The following TENM3 variants were observed in gnomAD, a reference collection of about 807,000 sequenced individuals.
The protein encoded by TENM3 is teneurin transmembrane protein 3.
TENM3 carries 63 observed loss-of-function variants against 255.1 expected under a neutral mutation model. The observed-to-expected ratio is 0.25, with a 90% CI of 0.20 to 0.30. The LOEUF (loss-of-function observed/expected upper bound fraction) is 0.30, where lower values mean the gene tolerates loss of function less well. Ranked by LOEUF, TENM3 falls within the 10% of genes least tolerant of loss-of-function variation. The pLI, the probability that TENM3 is intolerant of heterozygous loss-of-function variation, is 1.00. For missense variants in TENM3, 2,929 were observed against 3,461.1 expected (o/e 0.85, Z 3.86); for synonymous variants, 1,306 against 1,322.3 (o/e 0.99, Z 0.27).
the TENM3 span, among the ~76,000 whole-genome samples, chr4:181,668,286 C>A: frequency 4.1e-4 from 63 of 152,322 alleles, no homozygotes; most frequent in African/African-American, 1.4e-3. Context: ...GGCTTACTTC[C>A]CACTAATTCT....
chr4:182,298,853 A>G (rs949402716), intron 1 of TENM3, among the ~76,000 whole-genome samples: 6 of 151,600 alleles, frequency 4.0e-5, no homozygotes, highest in African/African-American at 1.4e-4. Flanking sequence ...CCCACCTGTA[A>G]TCCCGGCTAC....
chr4:181,781,918 C>T, the TENM3 span, among the ~76,000 whole-genome samples: 1 of 152,218 alleles, frequency 6.6e-6, no homozygotes, highest in East Asian at 1.9e-4. Context: ...TGCTGGATTA[C>T]ATTTACTGAT....
chr4:181,605,979 T>C, the TENM3 span, among the ~76,000 whole-genome samples: 1 of 152,194 alleles, frequency 6.6e-6, no homozygotes, highest in African/African-American at 2.4e-5. Flanking sequence ...TCAAATGACC[T>C]GAGGGTGCTG....
At position 182,636,374 on chromosome 4, in the gene TENM3, C is replaced by T. The variant is rs558941571; in HGVS notation, c.988+7485C>T. ...CCAGTATAGAAAGTAAGCTCCTCCT[C>T]TCCCCACAAACATAATGTATTTTAC... On this transcript the variant is annotated intron_variant, in intron 5 of 27. Transcript: ENST00000511685. Among the ~76,000 whole-genome samples the T allele has an allele frequency of 3.9e-5, 6 of 152,280 alleles. No individual in the cohort carries two copies. The East Asian group carries it at 1.2e-3, about 29-fold the overall frequency.
the TENM3 span, among the ~76,000 whole-genome samples, chr4:181,602,149 A>T: frequency 6.6e-6 from 1 of 152,306 alleles, no homozygotes; most frequent in Non-Finnish European, 1.5e-5. Flanking sequence ...AAACTAAACA[A>T]TATCTTTAAA....
At chr4:182,621,844 C>T (rs1343534571) in intron 4 of TENM3, among the ~76,000 whole-genome samples, 1 of 129,680 alleles carries the variant, frequency 7.7e-6, no homozygotes, top group Non-Finnish European at 1.6e-5. Flanking sequence ...TGTGGTGGTG[C>T]ACATGCTGTA....
At chr4:182,711,187 C>CT (rs1758722869) in intron 12 of TENM3, among the ~76,000 whole-genome samples, 1 of 152,068 alleles carries the variant, frequency 6.6e-6, no homozygotes, top group African/African-American at 2.4e-5. Context: ...TATTTATTAA[C>CT]TTTTAAAGTT....
chr4:182,231,442 A>C (rs1336882450), intron 1 of TENM3, among the ~76,000 whole-genome samples: 1 of 152,166 alleles, frequency 6.6e-6, no homozygotes, highest in Non-Finnish European at 1.5e-5. Context: ...TGTTATTATA[A>C]ATATGGGCCA....
At chr4:181,906,188 ATC>A in the TENM3 span, 2 of 244,556 alleles carry the variant, frequency 8.2e-6, no homozygotes, top group African/African-American at 4.7e-5. Context: ...GAAGTTCATC[ATC>A]TGTTTTCCTC....
intron 7 of TENM3, among the ~76,000 whole-genome samples, chr4:182,676,465 T>TG (rs77091221): frequency 0.054 from 8,169 of 152,292 alleles, 336 homozygotes; most frequent in East Asian, 0.18. Context: ...ATGAAAGAGT[T>TG]GGATCAGATG....
chr4:182,668,265 A>G (rs982950866), intron 6 of TENM3, among the ~76,000 whole-genome samples: 19 of 152,132 alleles, frequency 1.2e-4, no homozygotes, highest in Non-Finnish European at 1.3e-4. Context: ...CTCCAAGACA[A>G]TAAGTCATAG....
chr4:181,920,910 A>G, the TENM3 span, among the ~76,000 whole-genome samples: 21 of 152,294 alleles, frequency 1.4e-4, no homozygotes, highest in Middle Eastern at 0.01. Flanking sequence ...TGATTTTTGT[A>G]TAAGGTGTAA....
chr4:182,522,655 C>T (rs894095085), intron 3 of TENM3, among the ~76,000 whole-genome samples: 1 of 152,124 alleles, frequency 6.6e-6, no homozygotes, highest in Non-Finnish European at 1.5e-5. Flanking sequence ...ACATAGGTTA[C>T]GTAGGTAGAC....
At chr4:181,613,833 C>G in the TENM3 span, among the ~76,000 whole-genome samples, 1 of 152,154 alleles carries the variant, frequency 6.6e-6, no homozygotes, top group Non-Finnish European at 1.5e-5. Flanking sequence ...TTTACTCTTA[C>G]TTTCTCATTA....
the TENM3 span, among the ~76,000 whole-genome samples, chr4:181,918,705 TA>T: frequency 1.3e-5 from 2 of 150,916 alleles, no homozygotes; most frequent in Non-Finnish European, 3.0e-5. Flanking sequence ...ACTTCTCCTT[TA>T]AAAAAAAAGA....
At chr4:182,378,152 A>G (rs1004508416) in intron 3 of TENM3, among the ~76,000 whole-genome samples, 1 of 152,194 alleles carries the variant, frequency 6.6e-6, no homozygotes, top group Non-Finnish European at 1.5e-5. Context: ...TCGGCTTCTT[A>G]AAGGCAGTGA....
intron 3 of TENM3, among the ~76,000 whole-genome samples, chr4:182,386,789 G>A (rs1342560263): frequency 2.0e-5 from 3 of 152,334 alleles, no homozygotes; most frequent in Non-Finnish European, 2.9e-5. Context: ...GCCTTCCCGC[G>A]GGGCAGGCCT....
At chr4:181,858,885 C>G in the TENM3 span, among the ~76,000 whole-genome samples, 1 of 152,006 alleles carries the variant, frequency 6.6e-6, no homozygotes, top group Non-Finnish European at 1.5e-5. Context: ...GAGCTTTGTA[C>G]TGTTGGTATT....
chr4:182,679,926 G>T, intron 8 of TENM3, 50 bp downstream of exon 8: 1 of 1,482,564 alleles, frequency 6.7e-7, no homozygotes, highest in Non-Finnish European at 9.2e-7. Context: ...CCTAAACGCC[G>T]TGTTTAATAA....
Sources: allele counts gnomAD v4.1 joint callset (sites outside exome capture counted in the v4.1 genomes callset), GRCh38; gene constraint gnomAD v4.1.1; transcripts MANE v1.5; gene names NCBI Gene and HGNC (gene_info 2026-07-23, HGNC 2026-07-21).